The following DCDC1 variants were observed in gnomAD, a reference collection of about 807,000 sequenced individuals.
DCDC1 encodes doublecortin domain containing 1.
DCDC1 carries 200 observed loss-of-function variants against 178.3 expected under a neutral mutation model. That is an observed-to-expected ratio of 1.12 (90% CI 1.00 to 1.26). The LOEUF (loss-of-function observed/expected upper bound fraction) is 1.26. Among genes scored for constraint, DCDC1 ranks in the 50% most tolerant of loss-of-function variants. The probability of loss-of-function intolerance (pLI) is 0.00; values close to 1 mark genes in which losing one functional copy is unlikely to be tolerated. For missense variants in DCDC1, 1,983 were observed against 1,749.2 expected (o/e 1.13, Z -2.38); for synonymous variants, 690 against 604.8 (o/e 1.14, Z -2.07).
chr11:31,364,038 C>A (rs1040709586), intron 1 of DCDC1, among the ~76,000 whole-genome samples: 5 of 152,080 alleles, frequency 3.3e-5, no homozygotes, highest in Admixed American at 3.3e-4. Flanking sequence ...GCCAGTGAAC[C>A]ATGCACTCTC....
intron 9 of DCDC1, among the ~76,000 whole-genome samples, chr11:31,190,875 C>T (rs761360239): frequency 1.9e-4 from 29 of 151,758 alleles, no homozygotes; most frequent in Non-Finnish European, 3.2e-4. Flanking sequence ...TTTCTACTTT[C>T]CATCTATTTA....
chr11:31,169,379 AT>A (rs1376290416), intron 9 of DCDC1, among the ~76,000 whole-genome samples: 4 of 152,206 alleles, frequency 2.6e-5, no homozygotes, highest in Non-Finnish European at 5.9e-5. Flanking sequence ...TAAGAATAAA[AT>A]AAGTTTTATG....
chr11:31,042,641 G>A (rs1694522751), intron 20 of DCDC1, among the ~76,000 whole-genome samples: 1 of 151,982 alleles, frequency 6.6e-6, no homozygotes, highest in Non-Finnish European at 1.5e-5. Context: ...CAGGTGAGTT[G>A]AAATATCTGT....
intron 9 of DCDC1, among the ~76,000 whole-genome samples, chr11:31,169,014 A>C (rs530470902): frequency 1.3e-5 from 2 of 152,238 alleles, no homozygotes; most frequent in Non-Finnish European, 2.9e-5. Flanking sequence ...TTGGATAAAG[A>C]AAACCTGGTA....
intron 12 of DCDC1, 94 bp from the exon 13 acceptor site, chr11:31,107,054 T>C (rs1958898010): frequency 3.2e-6 from 2 of 622,712 alleles, no homozygotes; most frequent in Admixed American, 2.9e-5. Context: ...CTGTAACAAA[T>C]GAAGTCCAAA....
chr11:31,076,565 T>C lies in DCDC1; in HGVS notation c.2298+1300A>G, dbSNP rs181789610. On this transcript the variant is annotated intron_variant, in intron 18 of 38. Coordinates refer to ENST00000684477, the MANE Select transcript of DCDC1 (RefSeq NM_001387274.1). ...TCTTGCCATGTTGCCCATGCTGGCCTCAAACTCCTGGGCTCAAGCAATCCT... is the reference window on the plus strand; with the variant it reads ...TCTTGCCATGTTGCCCATGCTGGCCCCAAACTCCTGGGCTCAAGCAATCCT... 2.0e-4 allele frequency among the ~76,000 whole-genome samples: 31 copies of C among 152,222 alleles called. No homozygotes were observed. The East Asian group carries it at 6.0e-3, about 29-fold the overall frequency.
chr11:31,195,491 A>G (rs1316495490), intron 9 of DCDC1, among the ~76,000 whole-genome samples: 1 of 152,058 alleles, frequency 6.6e-6, no homozygotes, highest in Non-Finnish European at 1.5e-5. Context: ...TTTTTTGGCA[A>G]CTGAAGTTGT....
chr11:31,360,305 C>A (rs1288865220), intron 1 of DCDC1, among the ~76,000 whole-genome samples: 2 of 152,126 alleles, frequency 1.3e-5, no homozygotes, highest in Non-Finnish European at 2.9e-5. Flanking sequence ...TGTAAGTTTT[C>A]CAAACCAACT....
intron 9 of DCDC1, among the ~76,000 whole-genome samples, chr11:31,213,491 AT>A (rs1973104586): frequency 6.6e-6 from 1 of 151,930 alleles, no homozygotes. Context: ...GGAGGCCGAG[AT>A]GGGCGAATCA....
rs1185608964 is a variant in DCDC1 at position 31,064,611 on chromosome 11, C to A, written c.2449G>T (p.Ala817Ser). Residue 817 changes from alanine to serine, a missense_variant, in exon 20 of 39, where the codon GCC (alanine) becomes TCC (serine). Ala to Ser is a moderately conservative substitution (Grantham distance 99). Coordinates refer to ENST00000684477, the MANE Select transcript of DCDC1 (RefSeq NM_001387274.1). Reference protein sequence around the residue: ...NLAEEVLQESASNLGLKQLPE... With the variant: ...NLAEEVLQESSSNLGLKQLPE... ...AGTTGCTTCAGACCAAGGTTGCTGG[C>A]ACTTTCTTGCAGAACCTAATAAATG... 2 of 765,586 alleles carry A rather than the reference C, an allele frequency of 2.6e-6. No homozygotes were observed. The highest frequency in any genetic ancestry group is 4.8e-6 in the Non-Finnish European group (2 of 417,512). 47.4% of individuals were successfully genotyped at this position (765,586 alleles called of 1,614,324 possible). A position where few individuals can be genotyped will look rare whatever the true frequency, so the allele number is the denominator to read the frequency against.
At chr11:31,140,118 A>G (rs1329991872) in intron 9 of DCDC1, among the ~76,000 whole-genome samples, 1 of 152,160 alleles carries the variant, frequency 6.6e-6, no homozygotes, top group Non-Finnish European at 1.5e-5. Context: ...CAATGGTAAG[A>G]TTCTTCTCTC....
At chr11:30,949,752 A>G (rs1948295687) in intron 21 of DCDC1, among the ~76,000 whole-genome samples, 2 of 152,014 alleles carry the variant, frequency 1.3e-5, no homozygotes, top group Admixed American at 6.6e-5. Context: ...TACTAACAGA[A>G]GAACAGAAAA....
chr11:31,228,067 C>G (rs779926412), intron 9 of DCDC1, among the ~76,000 whole-genome samples: 1 of 151,954 alleles, frequency 6.6e-6, no homozygotes, highest in Non-Finnish European at 1.5e-5. Flanking sequence ...ACAAGAATAA[C>G]AGAAGATGTG....
chr11:31,037,773 T>G (rs1255687024), intron 20 of DCDC1, among the ~76,000 whole-genome samples: 1 of 152,020 alleles, frequency 6.6e-6, no homozygotes, highest in Non-Finnish European at 1.5e-5. Flanking sequence ...TAAATATTTA[T>G]TTCTCTTATC....
chr11:31,359,942 T>C (rs893927022), intron 1 of DCDC1, among the ~76,000 whole-genome samples: 1 of 152,218 alleles, frequency 6.6e-6, no homozygotes, highest in African/African-American at 2.4e-5. Context: ...CCCAGTCTCA[T>C]TCCTTTATGT....
chr11:31,134,412 A>T (rs1160113675), intron 10 of DCDC1, among the ~76,000 whole-genome samples: 2 of 152,186 alleles, frequency 1.3e-5, no homozygotes, highest in Non-Finnish European at 2.9e-5. Flanking sequence ...GACTCCTCTG[A>T]TGGCCAAGTT....
At chr11:31,007,288 C>A (rs1392972800) in intron 20 of DCDC1, among the ~76,000 whole-genome samples, 1 of 152,114 alleles carries the variant, frequency 6.6e-6, no homozygotes, top group Non-Finnish European at 1.5e-5. Context: ...TGAAGCAGGA[C>A]CTCAGATAGT....
chr11:31,364,320 G>A (rs1401152456), intron 1 of DCDC1, among the ~76,000 whole-genome samples: 1 of 152,090 alleles, frequency 6.6e-6, no homozygotes, highest in Non-Finnish European at 1.5e-5. Flanking sequence ...TAGTTGGAAA[G>A]TGCATAGAAA....
At chr11:30,949,533 C>T (rs1948278285) in intron 21 of DCDC1, among the ~76,000 whole-genome samples, 1 of 152,084 alleles carries the variant, frequency 6.6e-6, no homozygotes, top group Admixed American at 6.6e-5. Context: ...ATAAATGATT[C>T]TACTATAAAG....
Sources: allele counts gnomAD v4.1 joint callset (sites outside exome capture counted in the v4.1 genomes callset), GRCh38; gene constraint gnomAD v4.1.1; transcripts MANE v1.5; gene names NCBI Gene and HGNC (gene_info 2026-07-23, HGNC 2026-07-21).